Variants in JAKMIP2 observed in about 807,000 individuals in gnomAD.
The protein encoded by JAKMIP2 is janus kinase and microtubule interacting protein 2, also known as janus kinase and microtubule-interacting protein 2.
In JAKMIP2, 25 loss-of-function variants were observed where a neutral mutation model predicts 115.0. The observed-to-expected ratio is 0.22, with a 90% CI of 0.16 to 0.30. The LOEUF (loss-of-function observed/expected upper bound fraction) is 0.30. Ranked by LOEUF, JAKMIP2 falls within the 10% of genes least tolerant of loss-of-function variation. JAKMIP2 has a pLI of 1.00. For missense variants in JAKMIP2, 642 were observed against 957.6 expected (o/e 0.67, Z 4.35); for synonymous variants, 334 against 343.6 (o/e 0.97, Z 0.31).
chr5:147,662,619 T>C (rs1759071713), intron 2 of JAKMIP2, among the ~76,000 whole-genome samples: 1 of 152,026 alleles, frequency 6.6e-6, no homozygotes, highest in South Asian at 2.1e-4. Context: ...GCTCTGTCTC[T>C]GTCTTCTCTC....
chr5:147,645,215 A>G (rs957473525), intron 5 of JAKMIP2, among the ~76,000 whole-genome samples: 3 of 152,098 alleles, frequency 2.0e-5, no homozygotes, highest in South Asian at 4.1e-4. Context: ...TCATAGCCTT[A>G]TATCAATCCA....
chr5:147,721,451 G>A (rs1482115629), intron 1 of JAKMIP2, among the ~76,000 whole-genome samples: 4 of 152,076 alleles, frequency 2.6e-5, no homozygotes, highest in East Asian at 1.9e-4. Context: ...CCCCAGCCTC[G>A]CTGCCACCTT....
Position 147,664,328 on chromosome 5 carries a change from G to A in JAKMIP2, c.130-2883C>T, listed in dbSNP as rs76014874. Among the ~76,000 whole-genome samples the A allele has an allele frequency of 7.2e-3, 1,103 of 152,162 alleles. 50 individuals carry two copies. The East Asian group carries it at 0.13, about 18-fold the overall frequency. On this transcript the variant is annotated intron_variant, in intron 2 of 21. Coordinates refer to ENST00000616793, the MANE Select transcript of JAKMIP2 (RefSeq NM_001270941.2). ...AAAACCACCCAGGCTCTTTTATGTTGTGGAATAAAATCTCAACAGCCCAGC... is the reference window on the plus strand; with the variant it reads ...AAAACCACCCAGGCTCTTTTATGTTATGGAATAAAATCTCAACAGCCCAGC...
Position 147,661,097 on chromosome 5 carries a change from T to G in JAKMIP2, c.478A>C (p.Lys160Gln). 1.2e-6 allele frequency: 2 copies of G among 1,614,084 alleles called. No individual in the cohort carries two copies. Among genetic ancestry groups the G allele is most frequent in the Non-Finnish European group, 1.7e-6 (2 of 1,180,036 alleles). Residue 160 changes from lysine (K) to glutamine (Q), a missense_variant, in exon 3 of 22, where the codon AAA becomes CAA. By Grantham distance (53) the Lys-to-Gln change is moderately conservative. Around this residue, in one of 6 missense-constraint regions of JAKMIP2, gnomAD observed 439 missense variants for 570.9 expected, o/e 0.77. Coordinates refer to ENST00000616793, the MANE Select transcript of JAKMIP2 (RefSeq NM_001270941.2). Reference protein sequence around the residue: ...LKLLQEIADLKTAKKQVDEAL... With the variant: ...LKLLQEIADLQTAKKQVDEAL... ...TCGTCCACCTGCTTCTTGGCCGTTT[T>G]CAGGTCCGCAATTTCCTGTAAGAGC...
chr5:147,613,628 T>C (rs959904279), intron 19 of JAKMIP2, among the ~76,000 whole-genome samples: 10 of 152,218 alleles, frequency 6.6e-5, no homozygotes, highest in African/African-American at 2.4e-4. Context: ...GACATTTTTG[T>C]ACTGTCACAA....
intron 20 of JAKMIP2, among the ~76,000 whole-genome samples, chr5:147,608,301 G>T (rs1756135385): frequency 6.6e-6 from 1 of 152,158 alleles, no homozygotes; most frequent in South Asian, 2.1e-4. Context: ...ACTTTCTCCT[G>T]TGGGGATTTA....
chr5:147,611,746 G>A (rs1472641189), intron 20 of JAKMIP2, among the ~76,000 whole-genome samples: 3 of 152,072 alleles, frequency 2.0e-5, no homozygotes, highest in Admixed American at 1.3e-4. Context: ...CACCCCACAC[G>A]CATTTCCAAG....
At chr5:147,692,884 A>G (rs1194255142) in intron 1 of JAKMIP2, among the ~76,000 whole-genome samples, 1 of 152,230 alleles carries the variant, frequency 6.6e-6, no homozygotes, top group Non-Finnish European at 1.5e-5. Context: ...TGTCAACACT[A>G]ACACTGATGA....
chr5:147,686,724 A>T (rs1016474620), intron 1 of JAKMIP2, among the ~76,000 whole-genome samples: 2 of 152,212 alleles, frequency 1.3e-5, no homozygotes, highest in African/African-American at 4.8e-5. Flanking sequence ...CATTGAGTAA[A>T]CCTAATGATG....
intron 8 of JAKMIP2, 61 bp downstream of exon 8, chr5:147,641,647 G>T: frequency 1.7e-6 from 2 of 1,200,952 alleles, no homozygotes; most frequent in Non-Finnish European, 2.5e-6. Flanking sequence ...AAGATTCCAT[G>T]CCAAGCCTCA....
chr5:147,697,753 T>C (rs1158682782), intron 1 of JAKMIP2, among the ~76,000 whole-genome samples: 1 of 152,128 alleles, frequency 6.6e-6, no homozygotes, highest in Non-Finnish European at 1.5e-5. Context: ...AGAATTGAGG[T>C]TTGGGAACCT....
chr5:147,636,198 G>T (rs753384458), intron 12 of JAKMIP2, 24 bp downstream of exon 12: 3 of 1,598,362 alleles, frequency 1.9e-6, no homozygotes, highest in South Asian at 2.2e-5. Flanking sequence ...CCTCTGCCCC[G>T]CTAGGGTGTT....
At chr5:147,618,140 A>G (rs1248374528) in intron 18 of JAKMIP2, 26 bp from the exon 19 acceptor site, 1 of 1,570,060 alleles carries the variant, frequency 6.4e-7, no homozygotes, top group East Asian at 2.2e-5. Flanking sequence ...AGAAAAGTCT[A>G]ACTTTGGAAC....
At chr5:147,720,027 C>A (rs1217683858) in intron 1 of JAKMIP2, among the ~76,000 whole-genome samples, 2 of 151,896 alleles carry the variant, frequency 1.3e-5, no homozygotes, top group Non-Finnish European at 2.9e-5. Context: ...TTCAGGAGCT[C>A]TTTTAGGGCA....
In JAKMIP2 at chr5:147,665,295, A is replaced by G. The variant is rs905690747; in HGVS notation, c.130-3850T>C. Among the ~76,000 whole-genome samples, 141 of 152,234 alleles carry G rather than the reference A, an allele frequency of 9.3e-4. 1 individual carries two copies. The highest frequency in any genetic ancestry group is 9.2e-3 in the Admixed American group (140 of 15,284). On this transcript the variant is annotated intron_variant, in intron 2 of 21. Coordinates refer to ENST00000616793, the MANE Select transcript of JAKMIP2 (RefSeq NM_001270941.2). ...CTAGTCCACAAAGCCTAAAATATTC[A>G]CTATCTTGCCCTTCACAGAAAGAGT...
At chr5:147,710,548 C>T (rs2126910138) in intron 1 of JAKMIP2, among the ~76,000 whole-genome samples, 1 of 152,280 alleles carries the variant, frequency 6.6e-6, no homozygotes, top group South Asian at 2.1e-4. Context: ...ACTCCTTAGG[C>T]TCCATTTCCT....
intron 21 of JAKMIP2, among the ~76,000 whole-genome samples, chr5:147,592,136 T>C (rs1227772858): frequency 2.6e-5 from 4 of 152,214 alleles, no homozygotes; most frequent in South Asian, 2.1e-4. Flanking sequence ...TGGGCTTCTA[T>C]TGAACCCATC....
chr5:147,723,692 T>G (rs542336783), intron 1 of JAKMIP2, among the ~76,000 whole-genome samples: 1 of 152,174 alleles, frequency 6.6e-6, no homozygotes, highest in Non-Finnish European at 1.5e-5. Flanking sequence ...CAGCTCTGCC[T>G]TTGTCTCATT....
chr5:147,750,701 G>A (rs958467835), intron 1 of JAKMIP2, among the ~76,000 whole-genome samples: 3 of 152,086 alleles, frequency 2.0e-5, no homozygotes, highest in African/African-American at 7.2e-5. Context: ...CGATCCCAAC[G>A]TGGCTGTATT....
Sources: gnomAD v4.1 joint callset for allele counts (sites outside exome capture counted in the v4.1 genomes callset) on GRCh38, gnomAD v4.1.1 for gene constraint, gnomAD v4.1.1 regional missense constraint, MANE v1.5 for transcripts, NCBI Gene and HGNC (gene_info 2026-07-23, HGNC 2026-07-21) for gene names.